SPATA31G1: variants seen among roughly 807,000 people sequenced by gnomAD.
SPATA31G1 encodes the protein SPATA31 subfamily G member 1, also known as spermatogenesis-associated protein 31G1.
At chr9:35,044,873 A>G in the SPATA31G1 span, 1 of 1,614,018 alleles carries the variant, frequency 6.2e-7, no homozygotes, top group Non-Finnish European at 8.5e-7. Flanking sequence ...ATCCTGGTCT[A>G]CCCAAGGGAG....
At chr9:35,042,987 T>C in the SPATA31G1 span, 5 of 1,614,134 alleles carry the variant, frequency 3.1e-6, no homozygotes, top group South Asian at 1.1e-5. Context: ...ACTGAAGCCA[T>C]GTTCTCCTAC....
the SPATA31G1 span, chr9:35,043,207 G>C: frequency 6.2e-7 from 1 of 1,614,210 alleles, no homozygotes; most frequent in Non-Finnish European, 8.5e-7. Flanking sequence ...CAGAGAAAAA[G>C]CCAGCTCTTC....
the SPATA31G1 span, chr9:35,043,048 C>T: frequency 6.2e-7 from 1 of 1,614,174 alleles, no homozygotes; most frequent in African/African-American, 1.3e-5. Context: ...CCCCAGCCAT[C>T]CTGTGGTTCT....
chr9:35,045,658 C>G, the SPATA31G1 span: 2 of 1,614,094 alleles, frequency 1.2e-6, no homozygotes, highest in Admixed American at 1.7e-5. Context: ...CTGCTTCTCC[C>G]CAAAGCTTCG....
At chr9:35,044,152 G>A in the SPATA31G1 span, 1 of 1,613,994 alleles carries the variant, frequency 6.2e-7, no homozygotes, top group East Asian at 2.2e-5. Context: ...GAGAACCTCT[G>A]GGCATCTGAT....
At chr9:35,044,064 C>T in the SPATA31G1 span, 3 of 1,613,958 alleles carry the variant, frequency 1.9e-6, no homozygotes, top group Admixed American at 5.0e-5. Context: ...CTCAGTCCCT[C>T]TCCTGGAGTC....
chr9:35,044,714 A>G, the SPATA31G1 span: 1 of 1,614,104 alleles, frequency 6.2e-7, no homozygotes, highest in Non-Finnish European at 8.5e-7. Flanking sequence ...CTACTCCTCT[A>G]CCAGAGCCAC....
the SPATA31G1 span, chr9:35,042,496 T>C: frequency 6.2e-7 from 1 of 1,614,132 alleles, no homozygotes; most frequent in South Asian, 1.1e-5. Context: ...GTGGGTGACC[T>C]GTGACTGTAC....
chr9:35,041,320 G>T, the SPATA31G1 span: 1 of 212,784 alleles, frequency 4.7e-6, no homozygotes, highest in East Asian at 1.6e-4. Context: ...TGTTAACAGA[G>T]GTCTTTGAAT....
At chr9:35,044,367 G>A in the SPATA31G1 span, 1 of 1,613,990 alleles carries the variant, frequency 6.2e-7, no homozygotes, top group Non-Finnish European at 8.5e-7. Flanking sequence ...ATCCATGGGG[G>A]TCCTGTCTGA....
At chr9:35,045,954 G>A in the SPATA31G1 span, 2 of 1,449,910 alleles carry the variant, frequency 1.4e-6, no homozygotes, top group Non-Finnish European at 1.8e-6. Flanking sequence ...GACAAGAAAT[G>A]GAAATTCTAA....
At chr9:35,045,731 TAAGCACTGTCCTTGG>T in the SPATA31G1 span, 1 of 1,614,240 alleles carries the variant, frequency 6.2e-7, no homozygotes, top group Non-Finnish European at 8.5e-7. Flanking sequence ...CTCGCCACTG[TAAGCACTGTCCTTGG>T]GCCCACATGG....
the SPATA31G1 span, chr9:35,044,995 T>TCTA: frequency 6.2e-7 from 1 of 1,614,154 alleles, no homozygotes; most frequent in South Asian, 1.1e-5. Context: ...GAGCTGAAAC[T>TCTA]CAGGCTGAAG....
chr9:35,043,216 T>C, the SPATA31G1 span: 1 of 1,614,196 alleles, frequency 6.2e-7, no homozygotes, highest in Non-Finnish European at 8.5e-7. Flanking sequence ...AGCCAGCTCT[T>C]CTGGGGTCTC....
the SPATA31G1 span, chr9:35,045,961 C>T: frequency 2.8e-6 from 4 of 1,412,810 alleles, no homozygotes; most frequent in Admixed American, 6.8e-5. Context: ...AATGGAAATT[C>T]TAATAAACTA....
chr9:35,042,686 G>A, the SPATA31G1 span: 1 of 1,158,856 alleles, frequency 8.6e-7, no homozygotes, highest in African/African-American at 1.5e-5. Flanking sequence ...CTCCAAATGA[G>A]GACTGGGTAA....
the SPATA31G1 span, chr9:35,045,277 G>C: frequency 6.2e-7 from 1 of 1,614,000 alleles, no homozygotes; most frequent in Non-Finnish European, 8.5e-7. Flanking sequence ...GCGGAACAAG[G>C]GTCTCAGAGA....
chr9:35,045,130 AT>A, the SPATA31G1 span: 1 of 1,614,016 alleles, frequency 6.2e-7, no homozygotes. Context: ...CAGCAGATTT[AT>A]CCCCCCAATC....
the SPATA31G1 span, chr9:35,044,665 A>C: frequency 6.2e-7 from 1 of 1,614,052 alleles, no homozygotes; most frequent in African/African-American, 1.3e-5. Flanking sequence ...CAAAGAAAGA[A>C]CCACTGGGCC....
Sources: gnomAD v4.1 joint callset for allele counts on GRCh38, gnomAD v4.1.1 for gene constraint, MANE v1.5 for transcripts, NCBI Gene and HGNC (gene_info 2026-07-23, HGNC 2026-07-21) for gene names.